Variants in GNL3 observed in about 807,000 individuals in gnomAD.
GNL3 encodes the protein G protein nucleolar 3, also known as guanine nucleotide-binding protein-like 3.
Under a neutral mutation model 70.6 loss-of-function variants are expected in GNL3, and 77 were observed. That is an observed-to-expected ratio of 1.09 (90% CI 0.91 to 1.32). The LOEUF (loss-of-function observed/expected upper bound fraction) is 1.32. Ranked by LOEUF, GNL3 falls within the 40% of genes most tolerant of loss-of-function variation. The pLI is 0.00. For missense variants in GNL3, 634 were observed against 644.0 expected (o/e 0.98, Z 0.17); for synonymous variants, 252 against 216.1 (o/e 1.17, Z -1.46).
chr3:52,691,702 ATT>A (rs34449110), intron 9 of GNL3, 73 bp downstream of exon 9: 182,726 of 545,830 alleles, frequency 0.33, 10,575 homozygotes, highest in Admixed American at 0.41. Context: ...AAGGAAGGTG[ATT>A]TTTTTTTTTT....
In GNL3 at chr3:52,686,834, G is replaced by T; in HGVS notation, c.72+7G>T. ...GTATAAAATCCAAAAAAAGGTAAGT[G>T]TAGTGCTTGAGAGAGCTGTACCAAA... On this transcript the variant is annotated splice_region_variant and intron_variant, in intron 2 of 14. Transcript: ENST00000418458. 4 of 1,600,358 alleles carry T rather than the reference G, an allele frequency of 2.5e-6. No homozygotes were observed. The highest frequency in any genetic ancestry group is 3.4e-6 in the Non-Finnish European group (4 of 1,167,478).
intron 1 of GNL3, 37 bp downstream of exon 1, chr3:52,686,142 C>A (rs139726177): frequency 1.0e-5 from 16 of 1,597,646 alleles, no homozygotes; most frequent in Non-Finnish European, 1.4e-5. Flanking sequence ...GAGGGACCCA[C>A]GTCTGGAAGT....
At chr3:52,686,142 C>T in intron 1 of GNL3, 37 bp downstream of exon 1, 1 of 1,597,760 alleles carries the variant, frequency 6.3e-7, no homozygotes, top group Non-Finnish European at 8.6e-7. Context: ...GAGGGACCCA[C>T]GTCTGGAAGT....
At chr3:52,692,369 A>ACTTTCTTTTTTTTTTT (rs71087009) in intron 9 of GNL3, among the ~76,000 whole-genome samples, 2 of 126,412 alleles carry the variant, frequency 1.6e-5, no homozygotes, top group African/African-American at 6.2e-5. Flanking sequence ...CAACTTTTAG[A>ACTTTCTTTTTTTTTTT]TTTTTTTTTT....
At chr3:52,691,691 C>G in intron 9 of GNL3, 62 bp downstream of exon 9, 4 of 857,190 alleles carry the variant, frequency 4.7e-6, no homozygotes, top group Admixed American at 2.2e-5. Context: ...TTGGTTATCT[C>G]AAGGAAGGTG....
intron 5 of GNL3, 38 bp from the exon 6 acceptor site, chr3:52,689,036 C>A (rs1268447606): frequency 6.3e-7 from 1 of 1,578,366 alleles, no homozygotes; most frequent in South Asian, 1.1e-5. Flanking sequence ...ATCATTTTCT[C>A]CTTGATAATG....
rs2097329104 is a variant in GNL3, at chr3:52,693,249, T to C, written c.1107T>C (p.Ala369=). 2 of 1,613,992 alleles carry C rather than the reference T, an allele frequency of 1.2e-6. No homozygotes were observed. The highest frequency in any genetic ancestry group is 4.5e-5 in the East Asian group (2 of 44,882). ...CTCTGGAATTTTTTACTGTGCTTGC[T>C]CAGAGAAGAGGTATGCACCAAAAAG... ...RNSLEFFTVL[A]QRRGMHQKGG... is the part of the protein sequence containing the mutation. Residue 369 remains alanine (A), a synonymous_variant, in exon 11 of 15, where the codon GCT becomes GCC. Transcript: ENST00000418458.
Position 52,688,317 on chromosome 3 carries a change from A to T in GNL3, c.408+125A>T, listed in dbSNP as rs887931240. ...TTTGTTATATGGGTAAACTTGCGTCATAGGGGTTTGCTGTACAGATTATTT... is the reference window on the plus strand; with the variant it reads ...TTTGTTATATGGGTAAACTTGCGTCTTAGGGGTTTGCTGTACAGATTATTT... On this transcript the variant is annotated intron_variant, in intron 5 of 14. Transcript: ENST00000418458. The T allele has an allele frequency of 7.9e-6, 5 of 634,566 alleles. No individual in the cohort carries two copies. The Admixed American group carries it at 1.2e-4, about 16-fold the overall frequency. The allele number at this position is 634,566 out of a possible 1,614,324, so 39.3% of individuals were successfully genotyped here.
rs1046647416 is a variant in GNL3 at position 52,693,538 on chromosome 3, A to G, written c.1318A>G (p.Ile440Val). ...EELEKNNAQS[I>V]RAIKGPHLAN... ...ACTGGAAAAGAACAATGCACAGAGC[A>G]TAAGAGGTGAGAATTGTGTGTCGCT... The change falls in exon 12 of 15, where the codon ATA (isoleucine) becomes GTA (valine). Residue 440 changes from isoleucine (I) to valine (V), a missense_variant. Ile to Val is a conservative substitution (Grantham distance 29). Coordinates refer to ENST00000418458, the MANE Select transcript of GNL3 (RefSeq NM_014366.5). 5.6e-6 allele frequency: 9 copies of G among 1,614,102 alleles called. No individual in the cohort carries two copies. Among genetic ancestry groups the G allele is most frequent in the South Asian group, 1.1e-5 (1 of 91,092 alleles).
At position 52,686,069 on chromosome 3, in the gene GNL3, T is replaced by G; in HGVS notation, c.-24T>G. 4.6e-6 allele frequency: 5 copies of G among 1,096,448 alleles called. No individual in the cohort carries two copies. Among genetic ancestry groups the G allele is most frequent in the Non-Finnish European group, 7.1e-6 (5 of 706,546 alleles). The allele number at this position is 1,096,448 out of a possible 1,614,324, so 67.9% of individuals were successfully genotyped here. ...GCGCCAGCGGAGGCAGGTTGATGTG[T>G]TTGTGCTTCCTTCTACAGCCAATAT... On this transcript the variant is annotated 5_prime_UTR_variant, in exon 1 of 15. Coordinates refer to ENST00000418458, the MANE Select transcript of GNL3 (RefSeq NM_014366.5).
chr3:52,687,592 T>A lies in GNL3; in HGVS notation c.301T>A (p.Ser101Thr). 1 of 1,597,484 alleles carries A rather than the reference T, an allele frequency of 6.3e-7. No individual in the cohort carries two copies. Among genetic ancestry groups the A allele is most frequent in the Non-Finnish European group, 8.6e-7 (1 of 1,164,914 alleles). Residue 101 changes from serine (S) to threonine (T), a missense_variant, in exon 4 of 15, where the codon TCA becomes ACA. By Grantham distance (58) the Ser-to-Thr change is moderately conservative. Transcript: ENST00000418458. ...KLETNPDIKPSNVEPMEKEFG... is the reference protein window; with the variant it reads ...KLETNPDIKPTNVEPMEKEFG... ...TGAAACTAATCCTGATATTAAGCCA[T>A]CAAATGTGGAACCTATGGAAAAGGT...
At chr3:52,693,991 G>T in intron 13 of GNL3, 46 bp from the exon 14 acceptor site, 1 of 1,491,500 alleles carries the variant, frequency 6.7e-7, no homozygotes, top group South Asian at 1.1e-5. Context: ...GATTAAATGA[G>T]CAGACAAGGG....
chr3:52,690,807 C>A, intron 7 of GNL3, 103 bp downstream of exon 7: 1 of 1,155,880 alleles, frequency 8.7e-7, no homozygotes, highest in Non-Finnish European at 1.3e-6. Flanking sequence ...TTACAAGATC[C>A]AACTCTGATT....
chr3:52,686,173 T>A, intron 1 of GNL3, 68 bp downstream of exon 1: 2 of 1,553,430 alleles, frequency 1.3e-6, no homozygotes, highest in Non-Finnish European at 1.8e-6. Flanking sequence ...ACCACGACGC[T>A]CTTCTACGGC....
At chr3:52,689,052 C>T in intron 5 of GNL3, 22 bp from the exon 6 acceptor site, 1 of 1,604,672 alleles carries the variant, frequency 6.2e-7, no homozygotes, top group African/African-American at 1.3e-5. Context: ...TAATGTAGTT[C>T]TGGTCATTTT....
rs1488314849 is a variant in GNL3, at chr3:52,694,071, CAGG to C, written c.1536_1538del (p.Gly513del). On this transcript the variant is annotated inframe_deletion, in exon 14 of 15. Coordinates refer to ENST00000418458, the MANE Select transcript of GNL3 (RefSeq NM_014366.5). Reference sequence around the variant, plus strand: ...TCAGGCATGTTTGCTGCAGAAGAGACAGGGGAGGCACTGTCTGAGGAGACTACA... The same window carrying C: ...TCAGGCATGTTTGCTGCAGAAGAGACGGAGGCACTGTCTGAGGAGACTACA... 4.5e-5 allele frequency: 73 copies of C among 1,613,760 alleles called. No homozygotes were observed. In the Admixed American group the frequency reaches 1.2e-3, roughly 26 times the overall value.
chr3:52,686,712 G>C, intron 1 of GNL3, 57 bp from the exon 2 acceptor site: 4 of 1,279,368 alleles, frequency 3.1e-6, no homozygotes, highest in Non-Finnish European at 4.6e-6. Flanking sequence ...ACTCCATAGT[G>C]CGTTAACCCA....
At position 52,686,118 on chromosome 3, in the gene GNL3, G is replaced by A; in HGVS notation, c.13+13G>A. The A allele has an allele frequency of 1.9e-6, 3 of 1,573,790 alleles. No homozygotes were observed. The highest frequency in any genetic ancestry group is 2.6e-6 in the Non-Finnish European group (3 of 1,144,176). On this transcript the variant is annotated intron_variant, in intron 1 of 14. Coordinates refer to ENST00000418458, the MANE Select transcript of GNL3 (RefSeq NM_014366.5). ...ATGAAAAGGCCTAGTAAGTGGGGTCGGGAGGCGGGCGTGGAGGGACCCACG... is the reference window on the plus strand; with the variant it reads ...ATGAAAAGGCCTAGTAAGTGGGGTCAGGAGGCGGGCGTGGAGGGACCCACG...
In GNL3 at chr3:52,693,243, G is replaced by A; in HGVS notation, c.1101G>A (p.Val367=). The A allele has an allele frequency of 6.2e-7, 1 of 1,613,722 alleles. No individual in the cohort carries two copies. ...GGAATTCTCTGGAATTTTTTACTGT[G>A]CTTGCTCAGAGAAGAGGTATGCACC... ...GYRNSLEFFT[V]LAQRRGMHQK... is the part of the protein sequence containing the mutation. Residue 367 remains valine (V), a synonymous_variant, in exon 11 of 15, where the codon GTG becomes GTA. Coordinates refer to ENST00000418458, the MANE Select transcript of GNL3 (RefSeq NM_014366.5).
Sources: allele counts gnomAD v4.1 joint callset (sites outside exome capture counted in the v4.1 genomes callset), GRCh38; gene constraint gnomAD v4.1.1; transcripts MANE v1.5; gene names NCBI Gene and HGNC (gene_info 2026-07-23, HGNC 2026-07-21).